MICAL1: variants seen among roughly 807,000 people sequenced by gnomAD.
The protein encoded by MICAL1 is [F-actin]-monooxygenase MICAL1.
MICAL1 carries 95 observed loss-of-function variants against 131.8 expected under a neutral mutation model. That is an observed-to-expected ratio of 0.72 (90% CI 0.61 to 0.86). The LOEUF (loss-of-function observed/expected upper bound fraction) is 0.86. Among genes scored for constraint, MICAL1 ranks in the 40% least tolerant of loss-of-function variants. The pLI is 0.00. For synonymous variants in MICAL1, 546 were observed against 554.2 expected, an observed-to-expected ratio of 0.99 and a Z score of 0.21; for missense variants, 1,292 against 1,380.6, an observed-to-expected ratio of 0.94 and a Z score of 1.02.
chr6:109,452,703 G>A (rs532388443), intron 4 of MICAL1, 88 bp from the exon 5 acceptor site: 22 of 937,000 alleles, frequency 2.3e-5, no homozygotes, highest in South Asian at 2.3e-4. Flanking sequence ...TCATCAAAAC[G>A]TGTAAAGGAC....
chr6:109,454,247 G>T lies in MICAL1; in HGVS notation c.-43-8C>A. The stretch of plus-strand genomic sequence containing the variant: ...CTGGGCAGAGATGAGTGGCTGGAGA[G>T]GTGGAAAAAGAAGGGGAAGAGGCTG... On this transcript the variant is annotated splice_region_variant and splice_polypyrimidine_tract_variant and intron_variant, in intron 1 of 24. Transcript: ENST00000358807. The T allele has an allele frequency of 6.5e-7, 1 of 1,545,246 alleles. No individual in the cohort carries two copies.
In MICAL1 at chr6:109,447,190, G is replaced by GAAC; in HGVS notation, c.2109_2110insGTT (p.His703_Leu704insVal). 1 of 1,614,126 alleles carries GAAC rather than the reference G, an allele frequency of 6.2e-7. No homozygotes were observed. Among genetic ancestry groups the GAAC allele is most frequent in the Non-Finnish European group, 8.5e-7 (1 of 1,179,964 alleles). On this transcript the variant is annotated inframe_insertion, in exon 17 of 25. Coordinates refer to ENST00000358807, the MANE Select transcript of MICAL1 (RefSeq NM_022765.4). ...ACACAGAGGCGTTCCAGGACATAGA[G>GAAC]GTGTTCCCCACAAAGTGCACACAGG...
chr6:109,456,598 G>A (rs957270113), upstream of MICAL1, among the ~76,000 whole-genome samples: 1 of 152,228 alleles, frequency 6.6e-6, no homozygotes, highest in Non-Finnish European at 1.5e-5. Context: ...ATGCCTTAGA[G>A]TGAGGACCCA....
chr6:109,445,326 A>G (rs773010757), intron 21 of MICAL1, 36 bp from the exon 22 acceptor site: 2 of 1,613,322 alleles, frequency 1.2e-6, no homozygotes, highest in African/African-American at 1.3e-5. Flanking sequence ...AGGAGTCTCT[A>G]GGTTGCTCAA....
chr6:109,457,357 G>A (rs1216963669), upstream of MICAL1, among the ~76,000 whole-genome samples: 5 of 151,928 alleles, frequency 3.3e-5, no homozygotes, highest in South Asian at 2.1e-4. Context: ...GTGTAAAAAC[G>A]TTCTAAAGTC....
At chr6:109,450,140 C>G in intron 8 of MICAL1, 55 bp from the exon 9 acceptor site, 1 of 1,586,024 alleles carries the variant, frequency 6.3e-7, no homozygotes, top group Non-Finnish European at 8.6e-7. Context: ...AGGTGCATCC[C>G]AAGCCCAGAT....
chr6:109,465,299 C>A, intron 1 of MICAL1: 1 of 255,986 alleles, frequency 3.9e-6, no homozygotes, highest in Non-Finnish European at 7.5e-6. Flanking sequence ...AAAGATAAAA[C>A]GTTGAGGGTT....
intron 12 of MICAL1, 33 bp downstream of exon 12, chr6:109,448,699 C>A: frequency 8.7e-6 from 14 of 1,612,650 alleles, no homozygotes; most frequent in Non-Finnish European, 1.1e-5. Flanking sequence ...ACACTGAGAT[C>A]ATGAGAGAGA....
At chr6:109,445,740 GC>G in intron 20 of MICAL1, 30 bp downstream of exon 20, 1 of 1,597,028 alleles carries the variant, frequency 6.3e-7, no homozygotes, top group Non-Finnish European at 8.5e-7. Flanking sequence ...GGGCTGGAGA[GC>G]GTTTTGTGGC....
chr6:109,452,451 T>C (rs1775582747), intron 5 of MICAL1, 50 bp from the exon 6 acceptor site: 1 of 1,610,680 alleles, frequency 6.2e-7, no homozygotes, highest in Admixed American at 1.7e-5. Flanking sequence ...GTTATAACAA[T>C]CTAGAAAGGC....
rs753513086 is a variant in MICAL1 at position 109,453,382 on chromosome 6, A to G, written c.467-15T>C. On this transcript the variant is annotated splice_polypyrimidine_tract_variant and intron_variant, in intron 3 of 24. Transcript: ENST00000358807. ...CTGCCTGATGCCTGGAAGGGAGAGGACATTAGGAACAGGGACCCTAGGGCA... is the reference window on the plus strand; with the variant it reads ...CTGCCTGATGCCTGGAAGGGAGAGGGCATTAGGAACAGGGACCCTAGGGCA... The G allele has an allele frequency of 1.9e-5, 31 of 1,610,880 alleles. No individual in the cohort carries two copies. The Middle Eastern group carries it at 6.6e-4, about 34-fold the overall frequency.
Position 109,448,860 on chromosome 6 carries a change from C to T in MICAL1, c.1536G>A (p.Glu512=), listed in dbSNP as rs750616651. The change falls in exon 12 of 25, where the codon GAG becomes GAA. Residue 512 remains glutamate (E), a synonymous_variant. Transcript: ENST00000358807. ...GCTCCTGGCACCAGCGTAGCAGCTC[C>T]TCCTGGGTGCCTGCCGACCCTGGGA... is the stretch of plus-strand genomic sequence containing the variant. ...MPATGSAGTQ[E]ELLRWCQEQT... is the part of the protein sequence containing the mutation. 1 of 1,613,822 alleles carries T rather than the reference C, an allele frequency of 6.2e-7. No homozygotes were observed.
At chr6:109,446,593 C>T in intron 18 of MICAL1, 103 bp downstream of exon 18, 1 of 1,390,470 alleles carries the variant, frequency 7.2e-7, no homozygotes, top group Non-Finnish European at 1.0e-6. Context: ...AGCTTACATG[C>T]TAGTAGAAGA....
At chr6:109,452,147 G>A (rs539343047) in intron 6 of MICAL1, 99 bp downstream of exon 6, 3 of 1,504,834 alleles carry the variant, frequency 2.0e-6, no homozygotes, top group African/African-American at 1.4e-5. Flanking sequence ...ACAGAAAAGT[G>A]TGGAGTTCCT....
chr6:109,456,820 G>T (rs112509227), upstream of MICAL1, among the ~76,000 whole-genome samples: 573 of 152,294 alleles, frequency 3.8e-3, 4 homozygotes, highest in African/African-American at 0.013. Context: ...AGGAAACTGA[G>T]TCACAGATGT....
At chr6:109,446,018 G>A in intron 19 of MICAL1, 118 bp downstream of exon 19, 1 of 1,467,978 alleles carries the variant, frequency 6.8e-7, no homozygotes, top group Non-Finnish European at 9.0e-7. Context: ...CAGAGGAGAG[G>A]CTGCCACGGC....
At chr6:109,447,024 A>G (rs763077480) in intron 17 of MICAL1, 49 bp downstream of exon 17, 26 of 1,596,442 alleles carry the variant, frequency 1.6e-5, no homozygotes, top group South Asian at 1.3e-4. Flanking sequence ...GTGTCCCCCA[A>G]GCAGGGCCAG....
intron 8 of MICAL1, 51 bp downstream of exon 8, chr6:109,450,249 G>C: frequency 1.3e-6 from 2 of 1,584,154 alleles, no homozygotes; most frequent in Non-Finnish European, 1.7e-6. Context: ...CTCCATACTA[G>C]GCAGCTCCCT....
At chr6:109,453,153 C>T (rs765700884) in intron 4 of MICAL1, 110 bp downstream of exon 4, 4 of 835,646 alleles carry the variant, frequency 4.8e-6, no homozygotes, top group Non-Finnish European at 7.7e-6. Flanking sequence ...GAACGAGACT[C>T]TGTCTCAAAA....
Sources: gnomAD v4.1 joint callset for allele counts (sites outside exome capture counted in the v4.1 genomes callset) on GRCh38, gnomAD v4.1.1 for gene constraint, MANE v1.5 for transcripts, NCBI Gene and HGNC (gene_info 2026-07-23, HGNC 2026-07-21) for gene names.